The following SH3BGRL variants were observed in gnomAD, a reference collection of about 807,000 sequenced individuals.
SH3BGRL encodes adapter SH3BGRL.
Under a neutral mutation model 9.8 loss-of-function variants are expected in SH3BGRL, and 7 were observed. The ratio of observed to expected loss-of-function variants is 0.72; its 90% CI spans 0.41 to 1.35. The LOEUF (loss-of-function observed/expected upper bound fraction) is 1.35, where lower values mean the gene tolerates loss of function less well. SH3BGRL is among the 40% of genes most tolerant of loss of function. SH3BGRL has a pLI of 0.01. For missense variants in SH3BGRL, 73 were observed against 84.4 expected, an observed-to-expected ratio of 0.86 and a Z score of 0.53; for synonymous variants, 36 against 29.1, an observed-to-expected ratio of 1.24 and a Z score of -0.76.
intron 3 of SH3BGRL, among the ~76,000 whole-genome samples, chrX:81,296,125 G>C (rs1271404458): frequency 2.7e-5 from 3 of 111,414 alleles, no homozygotes; most frequent in Admixed American, 9.6e-5. Context: ...CATGGCAAAG[G>C]GTGAAGGGGA....
At chrX:81,215,334 T>C (rs1233463791) in intron 1 of SH3BGRL, among the ~76,000 whole-genome samples, 1 of 111,176 alleles carries the variant, frequency 9.0e-6, no homozygotes, top group Non-Finnish European at 1.9e-5. Context: ...GAATAGATTA[T>C]GTAGATAGGT....
At chrX:81,246,372 A>C (rs2075688772) in intron 1 of SH3BGRL, among the ~76,000 whole-genome samples, 1 of 111,486 alleles carries the variant, frequency 9.0e-6, no homozygotes, top group Non-Finnish European at 1.9e-5. Flanking sequence ...CTTAGTCATA[A>C]ATTCTTTCTC....
chrX:81,277,098 C>G lies in SH3BGRL; in HGVS notation c.160C>G (p.Pro54Ala). 1.7e-6 allele frequency: 2 copies of G among 1,207,957 alleles called. No homozygotes were observed. The highest frequency in any genetic ancestry group is 2.2e-6 in the Non-Finnish European group (2 of 893,831). Residue 54 changes from proline to alanine, a missense_variant, in exon 2 of 4, where the codon CCT becomes GCT. Physicochemically the swap from Pro to Ala is conservative, Grantham distance 27. Coordinates refer to ENST00000373212, the MANE Select transcript of SH3BGRL (RefSeq NM_003022.3). Reference sequence around the variant, plus strand: ...TCGGAAGTGGATGAGAGAAAATGTACCTGAAAATAGTCGACCAGCCACAGG... The same window carrying G: ...TCGGAAGTGGATGAGAGAAAATGTAGCTGAAAATAGTCGACCAGCCACAGG... ...ENRKWMRENV[P>A]ENSRPATGYP...
At chrX:81,279,254 A>C (rs935752085) in intron 3 of SH3BGRL, among the ~76,000 whole-genome samples, 1 of 111,954 alleles carries the variant, frequency 8.9e-6, no homozygotes, top group African/African-American at 3.3e-5. Flanking sequence ...TTTCCCATGG[A>C]TAAAATCTTA....
chrX:81,223,181 A>T (rs865838783), intron 1 of SH3BGRL, among the ~76,000 whole-genome samples: 2 of 111,384 alleles, frequency 1.8e-5, no homozygotes, highest in African/African-American at 6.5e-5. Flanking sequence ...TAGTTTAATT[A>T]GATCCCATTT....
At chrX:81,235,145 C>A (rs1057389487) in intron 1 of SH3BGRL, among the ~76,000 whole-genome samples, 1 of 110,992 alleles carries the variant, frequency 9.0e-6, no homozygotes, top group African/African-American at 3.3e-5. Context: ...ATATGCTCCA[C>A]ACTGTGCTTA....
intron 3 of SH3BGRL, among the ~76,000 whole-genome samples, chrX:81,287,226 C>G (rs2075837856): frequency 9.0e-6 from 1 of 111,484 alleles, no homozygotes. Flanking sequence ...AATTGACAAA[C>G]TTTTAGCCAG....
intron 1 of SH3BGRL, among the ~76,000 whole-genome samples, chrX:81,214,444 G>A (rs1481026820): frequency 1.8e-5 from 2 of 111,337 alleles, no homozygotes; most frequent in African/African-American, 3.3e-5. Context: ...AAAATTAAGC[G>A]AACTGGAATT....
chrX:81,247,287 G>T (rs1000462423), intron 1 of SH3BGRL, among the ~76,000 whole-genome samples: 4 of 111,672 alleles, frequency 3.6e-5, no homozygotes, highest in Non-Finnish European at 7.5e-5. Flanking sequence ...TTCCTATTTG[G>T]ATGCTTTTAT....
Position 81,269,783 on chromosome X carries a change from G to A in SH3BGRL, c.46-7201G>A, listed in dbSNP as rs758178259. Among the ~76,000 whole-genome samples the A allele has an allele frequency of 3.6e-5, 4 of 111,490 alleles. No individual in the cohort carries two copies. In the South Asian group the frequency reaches 1.5e-3, roughly 42 times the overall value. ...TGGCCTGTCTTGCTAGATTGGGGAA[G>A]TTCTCCTGGATAATATCCTGCAGAG... On this transcript the variant is annotated intron_variant, in intron 1 of 3. Coordinates refer to ENST00000373212, the MANE Select transcript of SH3BGRL (RefSeq NM_003022.3).
At chrX:81,214,740 G>A (rs762659089) in intron 1 of SH3BGRL, among the ~76,000 whole-genome samples, 216 of 111,741 alleles carry the variant, frequency 1.9e-3, no homozygotes, top group Middle Eastern at 9.2e-3. Flanking sequence ...TATTACCCTC[G>A]TAAAAAATAA....
intron 3 of SH3BGRL, among the ~76,000 whole-genome samples, chrX:81,293,966 A>C (rs934855579): frequency 3.6e-5 from 4 of 111,477 alleles, no homozygotes; most frequent in African/African-American, 1.3e-4. Flanking sequence ...GATTTATAGA[A>C]CTTTGAACTT....
At chrX:81,246,531 C>G (rs888529352) in intron 1 of SH3BGRL, among the ~76,000 whole-genome samples, 2 of 111,601 alleles carry the variant, frequency 1.8e-5, no homozygotes, top group African/African-American at 6.5e-5. Flanking sequence ...ATATGGGTAG[C>G]CAGTTATCCC....
At chrX:81,217,297 TC>T (rs1335393934) in intron 1 of SH3BGRL, among the ~76,000 whole-genome samples, 1 of 111,034 alleles carries the variant, frequency 9.0e-6, no homozygotes, top group Non-Finnish European at 1.9e-5. Context: ...ATTTTTTTTT[TC>T]TTCTGCTGGG....
At chrX:81,245,715 G>T (rs1245650648) in intron 1 of SH3BGRL, among the ~76,000 whole-genome samples, 1 of 111,447 alleles carries the variant, frequency 9.0e-6, no homozygotes, top group African/African-American at 3.3e-5. Context: ...CCATTTTATG[G>T]TGTCCAGTCC....
chrX:81,275,655 A>G (rs920744865), intron 1 of SH3BGRL, among the ~76,000 whole-genome samples: 10 of 112,200 alleles, frequency 8.9e-5, no homozygotes, highest in African/African-American at 3.2e-4. Flanking sequence ...GTTTGATTTT[A>G]TAAGCCAATT....
At chrX:81,240,616 C>T (rs2075665491) in intron 1 of SH3BGRL, among the ~76,000 whole-genome samples, 1 of 112,219 alleles carries the variant, frequency 8.9e-6, no homozygotes, top group South Asian at 3.7e-4. Context: ...TTCATCCTAC[C>T]CAAAGCAATC....
chrX:81,270,023 T>C (rs1293058115), intron 1 of SH3BGRL, among the ~76,000 whole-genome samples: 1 of 110,568 alleles, frequency 9.0e-6, no homozygotes, highest in African/African-American at 3.3e-5. Context: ...CCATTGAAGC[T>C]TGTGTATGCT....
At chrX:81,245,065 C>G (rs1324996766) in intron 1 of SH3BGRL, among the ~76,000 whole-genome samples, 2 of 111,746 alleles carry the variant, frequency 1.8e-5, no homozygotes, top group Admixed American at 1.9e-4. Flanking sequence ...AGAATTAGGC[C>G]AAAACAGGCT....
Sources: gnomAD v4.1 joint callset for allele counts (sites outside exome capture counted in the v4.1 genomes callset) on GRCh38, gnomAD v4.1.1 for gene constraint, MANE v1.5 for transcripts, NCBI Gene and HGNC (gene_info 2026-07-23, HGNC 2026-07-21) for gene names.